The following ABCB4 variants were observed in gnomAD, a reference collection of about 807,000 sequenced individuals.
ABCB4 encodes the protein ATP binding cassette subfamily B member 4.
A neutral mutation model predicts 145.7 loss-of-function variants in ABCB4; 76 were observed. That is an observed-to-expected ratio of 0.52 (90% confidence interval 0.43 to 0.63). The LOEUF (loss-of-function observed/expected upper bound fraction) is 0.63, where lower values mean the gene tolerates loss of function less well. ABCB4 is among the 30% of genes least tolerant of loss of function. The pLI is 0.00. For missense variants in ABCB4, 1,234 were observed against 1,553.1 expected, an observed-to-expected ratio of 0.79 and a Z score of 3.45; for synonymous variants, 517 against 566.8, an observed-to-expected ratio of 0.91 and a Z score of 1.25.
At chr7:87,453,697 A>G (rs1264303188) in intron 5 of ABCB4, among the ~76,000 whole-genome samples, 1 of 152,212 alleles carries the variant, frequency 6.6e-6, no homozygotes, top group Admixed American at 6.5e-5. Flanking sequence ...GTTAACTGCA[A>G]AAAAGTTAAT....
intron 14 of ABCB4, among the ~76,000 whole-genome samples, chr7:87,437,592 A>G (rs562238076): frequency 1.5e-4 from 23 of 152,354 alleles, no homozygotes; most frequent in African/African-American, 5.5e-4. Flanking sequence ...CAAGTGTTTC[A>G]TATGTGCTAG....
downstream of ABCB4, chr7:87,398,254 G>A (rs1056482460): frequency 3.4e-5 from 20 of 591,104 alleles, no homozygotes; most frequent in Middle Eastern, 1.6e-3. Context: ...TGTTTTAAAC[G>A]CAGTAAGACC....
At chr7:87,473,269 T>C (rs1813563659) in intron 2 of ABCB4, among the ~76,000 whole-genome samples, 1 of 152,192 alleles carries the variant, frequency 6.6e-6, no homozygotes, top group Non-Finnish European at 1.5e-5. Context: ...TTTCTTACAA[T>C]AAAAGCCAAA....
intron 24 of ABCB4, 48 bp from the exon 25 acceptor site, chr7:87,408,282 T>C (rs370897670): frequency 6.5e-7 from 1 of 1,543,848 alleles, no homozygotes; most frequent in Middle Eastern, 1.7e-4. Context: ...TGATAATTAT[T>C]GGAATAAGAA....
chr7:87,377,230 AT>A, the ABCB4 span: 2 of 589,380 alleles, frequency 3.4e-6, no homozygotes, highest in African/African-American at 3.8e-5. Flanking sequence ...CTATATTATG[AT>A]TTTATTAAAT....
chr7:87,447,977 T>G (rs1811457140), intron 8 of ABCB4, among the ~76,000 whole-genome samples: 1 of 152,222 alleles, frequency 6.6e-6, no homozygotes, highest in Non-Finnish European at 1.5e-5. Context: ...TTAGTATCAT[T>G]GTGTTCAACT....
intron 21 of ABCB4, among the ~76,000 whole-genome samples, chr7:87,416,268 A>G (rs31662): frequency 0.84 from 127,860 of 152,142 alleles, 54,182 homozygotes; most frequent in Middle Eastern, 0.93. Flanking sequence ...AAACATGGTT[A>G]GTCCGAATGT....
the ABCB4 span, among the ~76,000 whole-genome samples, chr7:87,386,426 A>G: frequency 1.8e-4 from 27 of 152,118 alleles, no homozygotes; most frequent in African/African-American, 5.3e-4. Context: ...CATTCCTTCT[A>G]GGTTTTCCAA....
rs748804317 is a variant in ABCB4 at position 87,472,693 on chromosome 7, G to C, written c.81-18C>G. 2 of 1,536,982 alleles carry C rather than the reference G, an allele frequency of 1.3e-6. No homozygotes were observed. Among genetic ancestry groups the C allele is most frequent in the South Asian group, 1.1e-5 (1 of 89,010 alleles). On this transcript the variant is annotated intron_variant, in intron 2 of 27. Coordinates refer to ENST00000649586, the MANE Select transcript of ABCB4 (RefSeq NM_000443.4). Reference sequence around the variant, plus strand: ...TTTGTTTGCTGTAAAAAATAGAATTGCTTCAATTTAAAACTGTTACAAAAT... The same window carrying C: ...TTTGTTTGCTGTAAAAAATAGAATTCCTTCAATTTAAAACTGTTACAAAAT...
At chr7:87,453,860 C>T (rs925048863) in intron 5 of ABCB4, among the ~76,000 whole-genome samples, 10 of 152,054 alleles carry the variant, frequency 6.6e-5, no homozygotes, top group East Asian at 1.9e-4. Context: ...CATGTGAAAT[C>T]GCCCTTTCCA....
At chr7:87,408,579 C>T (rs1241181194) in intron 24 of ABCB4, among the ~76,000 whole-genome samples, 1 of 152,212 alleles carries the variant, frequency 6.6e-6, no homozygotes, top group Non-Finnish European at 1.5e-5. Context: ...AATTTAGCAA[C>T]AGTTTCTACC....
intron 20 of ABCB4, 25 bp from the exon 21 acceptor site, chr7:87,417,540 A>T: frequency 1.4e-5 from 23 of 1,607,318 alleles, no homozygotes; most frequent in Non-Finnish European, 1.9e-5. Flanking sequence ...GCACAAAGCA[A>T]CTGTAGTTTT....
In ABCB4 at chr7:87,422,240, T is replaced by G. The variant is rs767646124; in HGVS notation, c.2212-15A>C. 1.9e-6 allele frequency: 3 copies of G among 1,588,096 alleles called. No individual in the cohort carries two copies. The Admixed American group carries it at 5.0e-5, about 26-fold the overall frequency. On this transcript the variant is annotated splice_polypyrimidine_tract_variant and intron_variant, in intron 17 of 27. Coordinates refer to ENST00000649586, the MANE Select transcript of ABCB4 (RefSeq NM_000443.4). ...GGTCCAAAAATCTACAAAAGAATAT[T>G]TAAAACGCCCACTTGGATTACATAA...
At chr7:87,470,362 G>A (rs948047294) in intron 3 of ABCB4, among the ~76,000 whole-genome samples, 44 of 152,112 alleles carry the variant, frequency 2.9e-4, no homozygotes, top group African/African-American at 9.7e-4. Context: ...AGCCAAAATT[G>A]ACAAAAATGG....
rs1177941839 is a variant in ABCB4, at chr7:87,452,977, T to A, written c.503A>T (p.Asn168Ile). The A allele has an allele frequency of 6.2e-7, 1 of 1,614,010 alleles. No homozygotes were observed. The change falls in exon 6 of 28, where the codon AAC becomes ATC. Residue 168 changes from asparagine (N) to isoleucine (I), a missense_variant. Physicochemically the swap from Asn to Ile is moderately radical, Grantham distance 149 (BLOSUM62 -3). This residue lies in a region of ABCB4 where 467 missense variants were observed against 632.8 expected (regional missense o/e 0.74). Transcript: ENST00000649586. ...LRQEIGWFDINDTTELNTRLT... is the reference protein window; with the variant it reads ...LRQEIGWFDIIDTTELNTRLT... ...CCGCGTATTGAGTTCAGTGGTGTCGTTGATGTCAAACCATCCTATTTCCTG... is the reference window on the plus strand; with the variant it reads ...CCGCGTATTGAGTTCAGTGGTGTCGATGATGTCAAACCATCCTATTTCCTG...
chr7:87,395,132 C>T, the ABCB4 span, among the ~76,000 whole-genome samples: 2 of 152,116 alleles, frequency 1.3e-5, no homozygotes, highest in East Asian at 3.9e-4. Context: ...CACAATAGGC[C>T]AGCTGCAAGC....
At chr7:87,423,689 T>G in intron 17 of ABCB4, 1 of 584,962 alleles carries the variant, frequency 1.7e-6, no homozygotes, top group Non-Finnish European at 3.0e-6. Flanking sequence ...CTTCATTGAT[T>G]TTACATTTTA....
the ABCB4 span, among the ~76,000 whole-genome samples, chr7:87,380,501 C>G: frequency 7.9e-6 from 1 of 127,210 alleles, no homozygotes; most frequent in Non-Finnish European, 1.8e-5. Context: ...AGCAAAGTAA[C>G]TTTTTTACTA....
chr7:87,372,004 A>C, the ABCB4 span, among the ~76,000 whole-genome samples: 1 of 106,938 alleles, frequency 9.4e-6, no homozygotes, highest in Admixed American at 1.1e-4. Context: ...AAAAAAAAAA[A>C]AACAAAAAAA....
Sources: allele counts gnomAD v4.1 joint callset (sites outside exome capture counted in the v4.1 genomes callset), GRCh38; gene constraint gnomAD v4.1.1; regional missense constraint gnomAD v4.1.1; transcripts MANE v1.5; gene names NCBI Gene and HGNC (gene_info 2026-07-23, HGNC 2026-07-21).